The following FBN2 variants were observed in gnomAD, a reference collection of about 807,000 sequenced individuals.
FBN2 encodes the protein fibrillin-2.
A neutral mutation model predicts 355.6 loss-of-function variants in FBN2; 105 were observed. The ratio of observed to expected loss-of-function variants is 0.30; its 90% CI spans 0.25 to 0.35. The LOEUF is 0.35. Ranked by LOEUF, FBN2 falls within the 10% of genes least tolerant of loss-of-function variation. The pLI, the probability that FBN2 is intolerant of heterozygous loss-of-function variation, is 1.00. For missense variants in FBN2, 3,280 were observed against 3,758.7 expected (o/e 0.87, Z 3.33); for synonymous variants, 1,350 against 1,301.2 (o/e 1.04, Z -0.81).
At chr5:128,472,776 A>G (rs1419525084) in intron 5 of FBN2, among the ~76,000 whole-genome samples, 1 of 149,548 alleles carries the variant, frequency 6.7e-6, no homozygotes, top group Admixed American at 6.6e-5. Context: ...GGGCAACAAG[A>G]GCAAAACTCC....
At chr5:128,310,402 A>ATATATATATATATAT (rs1475271868) in intron 39 of FBN2, among the ~76,000 whole-genome samples, 1 of 23,308 alleles carries the variant, frequency 4.3e-5, no homozygotes, top group Non-Finnish European at 7.7e-5. Flanking sequence ...ATATATATAT[A>ATATATATATATATAT]TTTTTTTTTT....
intron 7 of FBN2, among the ~76,000 whole-genome samples, chr5:128,432,916 A>T (rs954182262): frequency 1.3e-5 from 2 of 151,948 alleles, no homozygotes; most frequent in African/African-American, 4.8e-5. Context: ...CACATTTTAC[A>T]CGGCAGCAGG....
intron 25 of FBN2, among the ~76,000 whole-genome samples, chr5:128,343,947 A>T (rs1308165361): frequency 6.6e-6 from 1 of 152,220 alleles, no homozygotes; most frequent in African/African-American, 2.4e-5. Flanking sequence ...AAAAATTTAC[A>T]GAGCTGGATG....
chr5:128,303,116 T>C lies in FBN2; in HGVS notation c.5801-27A>G, dbSNP rs188889781. 1,536 of 1,426,760 alleles carry C rather than the reference T, an allele frequency of 1.1e-3. 2 individuals are homozygous for C. The highest frequency in any genetic ancestry group is 1.4e-3 in the Non-Finnish European group (1,411 of 1,009,298). The allele number at this position is 1,426,760 out of a possible 1,614,324, so 88.4% of individuals were successfully genotyped here. A position where few individuals can be genotyped will look rare whatever the true frequency, so the allele number is the denominator to read the frequency against. On this transcript the variant is annotated intron_variant, in intron 45 of 64. Coordinates refer to ENST00000262464, the MANE Select transcript of FBN2 (RefSeq NM_001999.4). ...TATAAAGAAATATAGGCTCAAAAAA[T>C]TCAATTTTTAACTAGAAAAAAATGG...
At chr5:128,483,255 A>G (rs2127112850) in intron 5 of FBN2, among the ~76,000 whole-genome samples, 1 of 152,290 alleles carries the variant, frequency 6.6e-6, no homozygotes, top group East Asian at 1.9e-4. Flanking sequence ...AAACCTCAGC[A>G]TCTTGCAATA....
intron 5 of FBN2, among the ~76,000 whole-genome samples, chr5:128,485,517 G>A (rs1755314470): frequency 6.6e-6 from 1 of 151,910 alleles, no homozygotes; most frequent in Non-Finnish European, 1.5e-5. Flanking sequence ...TTTGAACAAG[G>A]GAAGATCTCA....
intron 2 of FBN2, among the ~76,000 whole-genome samples, chr5:128,535,853 T>C (rs1249448657): frequency 6.6e-6 from 1 of 150,400 alleles, no homozygotes; most frequent in Non-Finnish European, 1.5e-5. Context: ...TTTGTAAGAG[T>C]TCTGTCTTTT....
At chr5:128,385,186 A>C (rs904415853) in intron 11 of FBN2, among the ~76,000 whole-genome samples, 3 of 152,132 alleles carry the variant, frequency 2.0e-5, no homozygotes, top group African/African-American at 7.2e-5. Flanking sequence ...CCTGATAGGT[A>C]GCTTTTCGAT....
chr5:128,489,329 G>A (rs1372489073), intron 5 of FBN2, among the ~76,000 whole-genome samples: 1 of 152,168 alleles, frequency 6.6e-6, no homozygotes, highest in Non-Finnish European at 1.5e-5. Context: ...CCATTAAGAA[G>A]TATCTGACAG....
At chr5:128,419,553 T>C (rs1753290820) in intron 7 of FBN2, among the ~76,000 whole-genome samples, 2 of 152,182 alleles carry the variant, frequency 1.3e-5, no homozygotes, top group Admixed American at 6.5e-5. Flanking sequence ...TGGCTTTTTT[T>C]CAAATGCTTT....
intron 61 of FBN2, among the ~76,000 whole-genome samples, chr5:128,273,604 C>T (rs1267664432): frequency 6.6e-6 from 1 of 152,160 alleles, no homozygotes; most frequent in Non-Finnish European, 1.5e-5. Flanking sequence ...CATGATTAGT[C>T]AACAGTTACT....
intron 17 of FBN2, among the ~76,000 whole-genome samples, chr5:128,365,013 C>T (rs1038136672): frequency 3.3e-5 from 5 of 152,050 alleles, no homozygotes; most frequent in Non-Finnish European, 7.4e-5. Context: ...TTAATAAAGA[C>T]AATTTATAGG....
At chr5:128,284,651 C>T (rs188610187) in intron 55 of FBN2, among the ~76,000 whole-genome samples, 39 of 152,286 alleles carry the variant, frequency 2.6e-4, no homozygotes, top group African/African-American at 9.4e-4. Context: ...GCTCTCTACC[C>T]TTGAGGCACT....
chr5:128,301,256 A>G (rs557958539), intron 47 of FBN2, 126 bp downstream of exon 47: 1 of 939,032 alleles, frequency 1.1e-6, no homozygotes, highest in African/African-American at 1.6e-5. Context: ...ATCATAGCTT[A>G]TCTTGGTCAT....
chr5:128,368,780 T>G (rs934571992), intron 16 of FBN2, among the ~76,000 whole-genome samples: 16 of 151,898 alleles, frequency 1.1e-4, no homozygotes, highest in African/African-American at 3.9e-4. Flanking sequence ...AGTGATCCCT[T>G]GCACCTCAGC....
intron 7 of FBN2, among the ~76,000 whole-genome samples, chr5:128,426,732 A>G (rs1009748526): frequency 1.3e-5 from 2 of 152,148 alleles, no homozygotes; most frequent in Non-Finnish European, 1.5e-5. Flanking sequence ...TCTTTCTTCT[A>G]TCTTTCCAGT....
intron 28 of FBN2, 141 bp from the exon 29 acceptor site, chr5:128,335,718 C>A: frequency 2.8e-6 from 3 of 1,085,782 alleles, no homozygotes; most frequent in Middle Eastern, 2.1e-4. Context: ...TTTCTTAGTT[C>A]TTTCACCTTC....
At chr5:128,496,574 C>T (rs114936710) in intron 5 of FBN2, among the ~76,000 whole-genome samples, 13 of 152,140 alleles carry the variant, frequency 8.5e-5, no homozygotes, top group African/African-American at 1.9e-4. Context: ...ATACTTGTTA[C>T]GTTCCGCGTA....
At chr5:128,534,165 TTTTA>T (rs1454517757) in intron 2 of FBN2, among the ~76,000 whole-genome samples, 1 of 152,186 alleles carries the variant, frequency 6.6e-6, no homozygotes, top group Non-Finnish European at 1.5e-5. Flanking sequence ...TTTATTTGTA[TTTTA>T]TTTATTTTCT....
Sources: allele counts gnomAD v4.1 joint callset (sites outside exome capture counted in the v4.1 genomes callset), GRCh38; gene constraint gnomAD v4.1.1; transcripts MANE v1.5; gene names NCBI Gene and HGNC (gene_info 2026-07-23, HGNC 2026-07-21).